The following ABCC6 variants were observed in gnomAD, a reference collection of about 807,000 sequenced individuals.
The protein encoded by ABCC6 is ATP-binding cassette sub-family C member 6.
In ABCC6, 126 loss-of-function variants were observed where a neutral mutation model predicts 169.5. The ratio of observed to expected loss-of-function variants is 0.74; its 90% CI spans 0.64 to 0.86. The LOEUF is 0.86. Ranked by LOEUF, ABCC6 falls within the 40% of genes least tolerant of loss-of-function variation. The pLI is 0.00. For synonymous variants in ABCC6, 752 were observed against 814.7 expected (o/e 0.92, Z 1.31); for missense variants, 1,733 against 1,927.2 (o/e 0.90, Z 1.89).
chr16:16,177,078 C>G (rs1344583605), intron 19 of ABCC6, among the ~76,000 whole-genome samples: 1 of 152,178 alleles, frequency 6.6e-6, no homozygotes, highest in Non-Finnish European at 1.5e-5. Flanking sequence ...CAACTGCAAG[C>G]ATAGACTCTG....
rs1314711937 is a variant in ABCC6 at position 16,182,477 on chromosome 16, C to G, written c.2182G>C (p.Ala728Pro). The change falls in exon 17 of 31, where the codon GCC becomes CCC. Residue 728 changes from alanine (A) to proline (P), a missense_variant. Physicochemically the swap from Ala to Pro is conservative, Grantham distance 27. Transcript: ENST00000205557. ...TCCACATCTGGCTGCAGGGCACAGG[C>G]TTCTAGTACTCTCTCCAGCCAGGGT... The part of the protein sequence containing the change: ...DPPWLERVLE[A>P]CALQPDVDSF... The G allele has an allele frequency of 6.2e-7, 1 of 1,614,214 alleles. No homozygotes were observed. Among genetic ancestry groups the G allele is most frequent in the East Asian group, 2.2e-5 (1 of 44,882 alleles).
chr16:16,163,113 T>C lies in ABCC6; in HGVS notation c.3386A>G (p.Glu1129Gly), dbSNP rs554806195. 1 of 1,613,874 alleles carries C rather than the reference T, an allele frequency of 6.2e-7. No homozygotes were observed. Among genetic ancestry groups the C allele is most frequent in the South Asian group, 1.1e-5 (1 of 91,080 alleles). Residue 1129 changes from glutamate (E) to glycine (G), a missense_variant, in exon 24 of 31, where the codon GAG becomes GGG. Coordinates refer to ENST00000205557, the MANE Select transcript of ABCC6 (RefSeq NM_001171.6). ...SYSSVCSHMA[E>G]TFQGSTVVRA... ...GACCACTGTGCTGCCCTGGAACGTC[T>C]CAGCCATGTGGGAGCAGACAGACGA...
rs760426231 is a variant in ABCC6, at chr16:16,150,692, G to A, written c.4289C>T (p.Ala1430Val). 4 of 1,613,846 alleles carry A rather than the reference G, an allele frequency of 2.5e-6. No homozygotes were observed. The highest frequency in any genetic ancestry group is 2.7e-5 in the African/African-American group (2 of 75,072). The change falls in exon 30 of 31, where the codon GCT becomes GTT. Residue 1430 changes from alanine to valine, a missense_variant. Ala to Val is a moderately conservative substitution (Grantham distance 64, BLOSUM62 0). Around this residue, in one of 5 missense-constraint regions of ABCC6, gnomAD observed 1,601 missense variants for 1,635.5 expected, o/e 0.98. Transcript: ENST00000205557. ...CAGCTCCGTGCCAGGGTCCACGGCA[G>A]CAGTAGCCTCGTCCAGGATGAGGAT... Reference protein sequence around the residue: ...TQILILDEATAAVDPGTELQM... With the variant: ...TQILILDEATVAVDPGTELQM...
intron 7 of ABCC6, among the ~76,000 whole-genome samples, chr16:16,205,261 TTTCCA>T (rs1426278946): frequency 3.3e-5 from 5 of 152,086 alleles, no homozygotes; most frequent in African/African-American, 1.2e-4. Flanking sequence ...ATTATTAGGT[TTTCCA>T]TTTTACAGAA....
chr16:16,193,664 C>T (rs770687558), intron 10 of ABCC6, among the ~76,000 whole-genome samples: 34 of 152,128 alleles, frequency 2.2e-4, no homozygotes, highest in Non-Finnish European at 4.3e-4. Flanking sequence ...CAGTGAGCCA[C>T]GATCGCACCA....
At chr16:16,179,677 G>A (rs1195874369) in intron 17 of ABCC6, among the ~76,000 whole-genome samples, 3 of 152,142 alleles carry the variant, frequency 2.0e-5, no homozygotes, top group African/African-American at 4.8e-5. Context: ...TGCAACCTCT[G>A]CCTCCTGGGT....
intron 27 of ABCC6, chr16:16,155,696 A>T (rs771507060): frequency 5.9e-5 from 9 of 153,186 alleles, no homozygotes; most frequent in African/African-American, 2.2e-4. Flanking sequence ...TCTTGCTACT[A>T]TTGCATCCTC....
At chr16:16,193,440 C>T (rs541986009) in intron 10 of ABCC6, among the ~76,000 whole-genome samples, 3 of 152,232 alleles carry the variant, frequency 2.0e-5, no homozygotes, top group East Asian at 3.9e-4. Flanking sequence ...TGGCCGGGCA[C>T]GGTGGATCAT....
intron 7 of ABCC6, among the ~76,000 whole-genome samples, chr16:16,208,258 G>A (rs951938366): frequency 2.0e-5 from 3 of 152,222 alleles, no homozygotes; most frequent in African/African-American, 7.2e-5. Flanking sequence ...ACTACTTAGT[G>A]GGATCAGCTG....
At chr16:16,169,541 G>C in intron 22 of ABCC6, 105 bp downstream of exon 22, 2 of 1,365,312 alleles carry the variant, frequency 1.5e-6, no homozygotes, top group Non-Finnish European at 2.0e-6. Flanking sequence ...TTTGCACACT[G>C]TTCCAGGGGG....
chr16:16,176,890 C>T (rs2047295406), intron 19 of ABCC6, among the ~76,000 whole-genome samples: 1 of 152,184 alleles, frequency 6.6e-6, no homozygotes, highest in Admixed American at 6.5e-5. Flanking sequence ...ATGAGCTAAC[C>T]TCTGTGATGT....
intron 4 of ABCC6, among the ~76,000 whole-genome samples, chr16:16,215,239 C>G (rs1418711960): frequency 6.6e-6 from 1 of 152,060 alleles, no homozygotes; most frequent in Non-Finnish European, 1.5e-5. Context: ...TTACTTGCTT[C>G]CTTTGACTCA....
chr16:16,190,423 T>C lies in ABCC6; in HGVS notation c.1432-56A>G. On this transcript the variant is annotated intron_variant, in intron 11 of 30. Coordinates refer to ENST00000205557, the MANE Select transcript of ABCC6 (RefSeq NM_001171.6). ...ACAGGGACAGTTGAGAACTCTTCCC[T>C]GCACCCTGACAGCCACCCTTCAGCA... 2.5e-6 allele frequency: 4 copies of C among 1,592,096 alleles called. No homozygotes were observed. The South Asian group carries it at 3.3e-5, about 13-fold the overall frequency.
At chr16:16,184,343 T>A (rs2047577210) in intron 15 of ABCC6, among the ~76,000 whole-genome samples, 1 of 151,594 alleles carries the variant, frequency 6.6e-6, no homozygotes, top group African/African-American at 2.4e-5. Context: ...TGTTTGGGCC[T>A]CACCTCTATC....
Position 16,188,837 on chromosome 16 carries a change from G to A in ABCC6, c.1773C>T (p.Leu591=), listed in dbSNP as rs764315042. Residue 591 remains leucine (L), a synonymous_variant, in exon 13 of 31, where the codon CTC becomes CTT. Coordinates refer to ENST00000205557, the MANE Select transcript of ABCC6 (RefSeq NM_001171.6). ...GCCCTTGCACCCACCTCACCTGGAC[G>A]AGGGAGTGGATGGAGAAGGGCAGGA... is the stretch of plus-strand genomic sequence containing the variant. ...QAFLPFSIHS[L]VQARVSFDRL... 8.1e-6 allele frequency: 13 copies of A among 1,613,698 alleles called. No individual in the cohort carries two copies. Among genetic ancestry groups the A allele is most frequent in the African/African-American group, 4.0e-5 (3 of 74,934 alleles).
intron 22 of ABCC6, among the ~76,000 whole-genome samples, chr16:16,166,960 A>G (rs2046898475): frequency 6.6e-6 from 1 of 152,204 alleles, no homozygotes; most frequent in Non-Finnish European, 1.5e-5. Flanking sequence ...AACACTGCTG[A>G]CACCTTGATT....
intron 15 of ABCC6, among the ~76,000 whole-genome samples, chr16:16,184,483 T>C (rs1214557809): frequency 6.6e-6 from 1 of 152,156 alleles, no homozygotes; most frequent in African/African-American, 2.4e-5. Flanking sequence ...ATACAAATAC[T>C]ACCTGGGGCA....
rs772835266 is a variant in ABCC6, at chr16:16,157,823, G to A, written c.3736-14C>T. On this transcript the variant is annotated splice_polypyrimidine_tract_variant and intron_variant, in intron 26 of 30. Coordinates refer to ENST00000205557, the MANE Select transcript of ABCC6 (RefSeq NM_001171.6). ...CCTCCAGGGAGCCTGGAGCAGGAGG[G>A]GAAACTGAGTCAGAGGAGCCTTCCT... 10 of 1,606,278 alleles carry A rather than the reference G, an allele frequency of 6.2e-6. No individual in the cohort carries two copies. The South Asian group carries it at 1.1e-4, about 18-fold the overall frequency.
In ABCC6 at chr16:16,152,192, C is replaced by CAAAAAAAA. The variant is rs61339757; in HGVS notation, c.4209-1428_4209-1421dup. Among the ~76,000 whole-genome samples the CAAAAAAAA allele has an allele frequency of 4.5e-3, 183 of 40,274 alleles. 18 individuals are homozygous for CAAAAAAAA. Among genetic ancestry groups the CAAAAAAAA allele is most frequent in the East Asian group, 0.016 (15 of 914 alleles). 26.4% of individuals were successfully genotyped at this position (40,274 alleles called of 152,430 possible). A position where few individuals can be genotyped will look rare whatever the true frequency, so the allele number is the denominator to read the frequency against. On this transcript the variant is annotated intron_variant, in intron 29 of 30. Transcript: ENST00000205557. Reference sequence around the variant, plus strand: ...TGGGCGACAGAGCAAGACTCTGTCTCAAAAAAAAAAAAAAAAAAAAAAAGT... The same window carrying CAAAAAAAA: ...TGGGCGACAGAGCAAGACTCTGTCTCAAAAAAAAAAAAAAAAAAAAAAAAAAAAAAAGT...
Sources: allele counts gnomAD v4.1 joint callset (sites outside exome capture counted in the v4.1 genomes callset), GRCh38; gene constraint gnomAD v4.1.1; regional missense constraint gnomAD v4.1.1; transcripts MANE v1.5; gene names NCBI Gene and HGNC (gene_info 2026-07-23, HGNC 2026-07-21).